The following FBXL7 variants were observed in gnomAD, a reference collection of about 807,000 sequenced individuals.
The protein encoded by FBXL7 is F-box/LRR-repeat protein 7.
A neutral mutation model predicts 38.3 loss-of-function variants in FBXL7; 12 were observed. That is an observed-to-expected ratio of 0.31 (90% CI 0.20 to 0.51). The LOEUF (loss-of-function observed/expected upper bound fraction) is 0.51, where lower values mean the gene tolerates loss of function less well. Among genes scored for constraint, FBXL7 ranks in the 20% least tolerant of loss-of-function variants. FBXL7 has a pLI of 0.98. For synonymous variants in FBXL7, 297 were observed against 300.9 expected (o/e 0.99, Z 0.13); for missense variants, 567 against 676.4 (o/e 0.84, Z 1.79).
intron 2 of FBXL7, among the ~76,000 whole-genome samples, chr5:15,848,959 G>A (rs1739012056): frequency 6.6e-6 from 1 of 152,148 alleles, no homozygotes; most frequent in Non-Finnish European, 1.5e-5. Flanking sequence ...TGTCTCTTTT[G>A]GAAAAGTAAA....
At chr5:15,634,384 C>A (rs535212951) in intron 2 of FBXL7, among the ~76,000 whole-genome samples, 1 of 143,442 alleles carries the variant, frequency 7.0e-6, no homozygotes, top group African/African-American at 2.6e-5. Context: ...TGCAGCAGTG[C>A]GATCTCAGCT....
chr5:15,930,189 G>C (rs945075238), intron 3 of FBXL7, among the ~76,000 whole-genome samples: 2 of 152,140 alleles, frequency 1.3e-5, no homozygotes, highest in African/African-American at 2.4e-5. Context: ...GAAACCAGGA[G>C]GTTTTCTTAC....
intron 2 of FBXL7, among the ~76,000 whole-genome samples, chr5:15,837,559 G>A (rs940397379): frequency 1.1e-4 from 17 of 152,254 alleles, no homozygotes; most frequent in East Asian, 3.9e-4. Flanking sequence ...TAGGAAAAGC[G>A]TGCTTAGATT....
chr5:15,511,702 G>A (rs537321081), intron 1 of FBXL7, among the ~76,000 whole-genome samples: 1 of 152,280 alleles, frequency 6.6e-6, no homozygotes, highest in South Asian at 2.1e-4. Context: ...AGGAATGGTG[G>A]CAGGGGCATC....
intron 2 of FBXL7, among the ~76,000 whole-genome samples, chr5:15,698,833 C>T (rs1294860690): frequency 6.6e-6 from 1 of 152,192 alleles, no homozygotes; most frequent in African/African-American, 2.4e-5. Flanking sequence ...TCAAATTAAT[C>T]AGGAAACCCT....
chr5:15,634,514 G>T (rs542659948), intron 2 of FBXL7, among the ~76,000 whole-genome samples: 2 of 148,764 alleles, frequency 1.3e-5, no homozygotes, highest in Admixed American at 6.6e-5. Context: ...TTGGGGGGGG[G>T]GTTTACCCTA....
intron 2 of FBXL7, among the ~76,000 whole-genome samples, chr5:15,717,967 G>A (rs1319770710): frequency 6.6e-6 from 1 of 152,012 alleles, no homozygotes; most frequent in Non-Finnish European, 1.5e-5. Flanking sequence ...TGTTAATGTT[G>A]AATTATTATA....
At chr5:15,668,832 C>T (rs976888241) in intron 2 of FBXL7, among the ~76,000 whole-genome samples, 8 of 152,136 alleles carry the variant, frequency 5.3e-5, no homozygotes, top group Admixed American at 5.2e-4. Context: ...CATCTCTGCT[C>T]CCAACATAAT....
At chr5:15,664,350 A>C (rs574885969) in intron 2 of FBXL7, among the ~76,000 whole-genome samples, 101 of 152,134 alleles carry the variant, frequency 6.6e-4, no homozygotes, top group African/African-American at 2.2e-3. Flanking sequence ...CTAGACATAC[A>C]ATTGTCTTTA....
At chr5:15,819,000 A>G (rs1040357232) in intron 2 of FBXL7, among the ~76,000 whole-genome samples, 1 of 152,152 alleles carries the variant, frequency 6.6e-6, no homozygotes, top group Non-Finnish European at 1.5e-5. Flanking sequence ...CATATAAAGT[A>G]TACTGATTTA....
intron 2 of FBXL7, among the ~76,000 whole-genome samples, chr5:15,920,419 C>A (rs745994038): frequency 3.3e-5 from 5 of 152,156 alleles, no homozygotes; most frequent in Admixed American, 6.5e-5. Flanking sequence ...TGCAGCAGTG[C>A]AGTTTACTGA....
chr5:15,644,304 CAAAAAAA>C (rs369213583), intron 2 of FBXL7, among the ~76,000 whole-genome samples: 1 of 94,808 alleles, frequency 1.1e-5, no homozygotes, highest in Non-Finnish European at 2.1e-5. Context: ...ACTAAAAATC[CAAAAAAA>C]AAAAAAAAAA....
At chr5:15,874,766 A>T (rs577739073) in intron 2 of FBXL7, among the ~76,000 whole-genome samples, 1 of 152,330 alleles carries the variant, frequency 6.6e-6, no homozygotes, top group African/African-American at 2.4e-5. Context: ...ATCAGAGAGG[A>T]CACAAACAAA....
chr5:15,773,004 C>G (rs1194454259), intron 2 of FBXL7, among the ~76,000 whole-genome samples: 2 of 152,076 alleles, frequency 1.3e-5, no homozygotes, highest in Non-Finnish European at 2.9e-5. Flanking sequence ...AAGCGATCCT[C>G]CCTCCTGAGC....
intron 2 of FBXL7, among the ~76,000 whole-genome samples, chr5:15,918,234 G>A (rs551263241): frequency 9.9e-5 from 15 of 152,044 alleles, no homozygotes; most frequent in African/African-American, 2.2e-4. Flanking sequence ...GTGAGATTCC[G>A]TCTCAAAAGA....
intron 2 of FBXL7, among the ~76,000 whole-genome samples, chr5:15,705,097 A>G (rs1012674981): frequency 1.3e-5 from 2 of 152,124 alleles, no homozygotes; most frequent in African/African-American, 2.4e-5. Flanking sequence ...ACAATTCTCT[A>G]TGATTTAAAG....
intron 2 of FBXL7, among the ~76,000 whole-genome samples, chr5:15,913,594 A>T (rs1741501700): frequency 6.6e-6 from 1 of 152,226 alleles, no homozygotes; most frequent in African/African-American, 2.4e-5. Context: ...TCTAAATTCA[A>T]TACTATGCCA....
At chr5:15,898,877 A>T (rs1441257273) in intron 2 of FBXL7, among the ~76,000 whole-genome samples, 2 of 151,930 alleles carry the variant, frequency 1.3e-5, no homozygotes, top group Non-Finnish European at 2.9e-5. Flanking sequence ...TTTGCCAAGT[A>T]TTTATTTTTT....
intron 1 of FBXL7, among the ~76,000 whole-genome samples, chr5:15,514,982 C>T (rs1220129570): frequency 6.6e-6 from 1 of 152,160 alleles, no homozygotes; most frequent in Non-Finnish European, 1.5e-5. Flanking sequence ...GTCCAGTTTG[C>T]CTTCTCTCCT....
Sources: gnomAD v4.1 joint callset for allele counts (sites outside exome capture counted in the v4.1 genomes callset) on GRCh38, gnomAD v4.1.1 for gene constraint, MANE v1.5 for transcripts, NCBI Gene and HGNC (gene_info 2026-07-23, HGNC 2026-07-21) for gene names.